SYNE3: variants seen among roughly 807,000 people sequenced by gnomAD.
The protein encoded by SYNE3 is nesprin-3.
In SYNE3, 100 loss-of-function variants were observed where a neutral mutation model predicts 111.2. The observed-to-expected ratio is 0.90, with a 90% CI of 0.77 to 1.06. The LOEUF is 1.06. Among genes scored for constraint, SYNE3 ranks in the 50% least tolerant of loss-of-function variants. The pLI, the probability that SYNE3 is intolerant of heterozygous loss-of-function variation, is 0.00. For missense variants in SYNE3, 1,160 were observed against 1,240.3 expected (o/e 0.94, Z 0.97); for synonymous variants, 547 against 533.9 (o/e 1.02, Z -0.34).
chr14:95,493,288 C>T (rs1311095449), intron 1 of SYNE3, among the ~76,000 whole-genome samples: 2 of 152,206 alleles, frequency 1.3e-5, no homozygotes, highest in African/African-American at 4.8e-5. Context: ...CCTCTCCAAG[C>T]ATTTATTAAT....
At chr14:95,487,305 T>C (rs1178000273) in intron 1 of SYNE3, among the ~76,000 whole-genome samples, 3 of 152,228 alleles carry the variant, frequency 2.0e-5, no homozygotes, top group Non-Finnish European at 4.4e-5. Flanking sequence ...TTCTTATATT[T>C]CTTACACCTT....
At chr14:95,440,157 C>T in intron 11 of SYNE3, 82 bp from the exon 12 acceptor site, 1 of 1,483,026 alleles carries the variant, frequency 6.7e-7, no homozygotes, top group East Asian at 2.3e-5. Flanking sequence ...CCCTGCAGGG[C>T]TCTCACACCC....
intron 1 of SYNE3, among the ~76,000 whole-genome samples, chr14:95,505,297 A>G (rs1441050779): frequency 6.6e-6 from 1 of 152,234 alleles, no homozygotes; most frequent in African/African-American, 2.4e-5. Flanking sequence ...GGGCAAATGC[A>G]TTGAAACAGA....
intron 17 of SYNE3, among the ~76,000 whole-genome samples, chr14:95,429,218 A>T (rs1447626024): frequency 6.6e-6 from 1 of 152,252 alleles, no homozygotes; most frequent in Non-Finnish European, 1.5e-5. Context: ...GAAGTCTCCC[A>T]GGTCCCCATT....
intron 1 of SYNE3, among the ~76,000 whole-genome samples, chr14:95,496,934 C>T (rs1034851607): frequency 6.6e-5 from 10 of 152,228 alleles, no homozygotes; most frequent in East Asian, 1.9e-4. Context: ...TTTTCTGATC[C>T]GGAGCCATTG....
chr14:95,425,256 G>A (rs959793363), intron 17 of SYNE3, among the ~76,000 whole-genome samples: 2 of 145,938 alleles, frequency 1.4e-5, no homozygotes, highest in Non-Finnish European at 3.0e-5. Flanking sequence ...AAAAAAAAAA[G>A]AAAAGAAAAA....
intron 8 of SYNE3, among the ~76,000 whole-genome samples, chr14:95,447,104 T>C (rs1886762995): frequency 6.6e-6 from 1 of 150,950 alleles, no homozygotes; most frequent in Admixed American, 6.6e-5. Flanking sequence ...CCCAGGTAAG[T>C]CACTTCAATA....
At chr14:95,441,348 G>A (rs1886403551) in intron 11 of SYNE3, among the ~76,000 whole-genome samples, 1 of 152,200 alleles carries the variant, frequency 6.6e-6, no homozygotes, top group East Asian at 1.9e-4. Context: ...TGGTCCCTGT[G>A]TGCCAACATT....
chr14:95,422,646 G>A (rs1371360707), intron 17 of SYNE3, among the ~76,000 whole-genome samples: 1 of 152,188 alleles, frequency 6.6e-6, no homozygotes, highest in African/African-American at 2.4e-5. Context: ...ACCTGGCCAG[G>A]TCTCAGTACC....
intron 17 of SYNE3, among the ~76,000 whole-genome samples, chr14:95,425,891 A>G (rs138661568): frequency 2.0e-5 from 3 of 152,370 alleles, no homozygotes; most frequent in African/African-American, 7.2e-5. Context: ...TAGCTGGCAA[A>G]CAATAAAACA....
At chr14:95,445,711 G>A (rs1217880072) in intron 9 of SYNE3, among the ~76,000 whole-genome samples, 198 bp downstream of exon 9, 3 of 152,240 alleles carry the variant, frequency 2.0e-5, no homozygotes, top group Non-Finnish European at 4.4e-5. Flanking sequence ...TAGGAAACCA[G>A]TTAGAGGGAC....
In SYNE3 at chr14:95,443,239, C is replaced by G. The variant is rs372953935; in HGVS notation, c.1827G>C (p.Arg609Ser). The change falls in exon 11 of 18, where the codon AGG becomes AGC. Residue 609 changes from arginine (R) to serine (S), a missense_variant. Coordinates refer to ENST00000682763, the MANE Select transcript of SYNE3 (RefSeq NM_152592.6). ...LDLGAQMEAA[R>S]PLVQENPNHQ... ...GGTTGGGGTTCTCCTGGACCAGAGG[C>G]CTTGCAGCCTCCATCTGTGCCCCCA... 1 of 1,614,224 alleles carries G rather than the reference C, an allele frequency of 6.2e-7. No homozygotes were observed. Among genetic ancestry groups the G allele is most frequent in the Admixed American group, 1.7e-5 (1 of 60,028 alleles).
In SYNE3 at chr14:95,426,168, G is replaced by A. The variant is rs555143605; in HGVS notation, c.2727+5911C>T. The stretch of plus-strand genomic sequence containing the variant: ...TAGTTTCAAATACTTCATGACCAAA[G>A]TTTTAGCACCAACTTGTTCACAAAT... On this transcript the variant is annotated intron_variant, in intron 17 of 17. Transcript: ENST00000682763. 3.9e-5 allele frequency among the ~76,000 whole-genome samples: 6 copies of A among 152,312 alleles called. No homozygotes were observed. The South Asian group carries it at 1.2e-3, about 32-fold the overall frequency.
At chr14:95,422,475 C>T (rs367775052) in intron 17 of SYNE3, among the ~76,000 whole-genome samples, 2 of 152,174 alleles carry the variant, frequency 1.3e-5, no homozygotes, top group Admixed American at 6.5e-5. Context: ...TACTATCCCA[C>T]GTGGCATTTC....
At chr14:95,429,743 C>G (rs1401022873) in intron 17 of SYNE3, among the ~76,000 whole-genome samples, 8 of 152,120 alleles carry the variant, frequency 5.3e-5, no homozygotes, top group African/African-American at 1.9e-4. Flanking sequence ...CAAGCTGTGC[C>G]CAACGTCTTC....
At position 95,432,098 on chromosome 14, in the gene SYNE3, T is replaced by A. The variant is rs751585432; in HGVS notation, c.2708A>T (p.Glu903Val). ...CTGTACCTTTTGGAATCCAGTCGGC[T>A]CCCCTGGAGAACTTTGTGTCTGTTA... ...GHLLTQSSPG[E>V]PTGFQKTRRW... Residue 903 changes from glutamate (E) to valine (V), a missense_variant, in exon 17 of 18, where the codon GAG becomes GTG. Transcript: ENST00000682763. 1 of 1,612,424 alleles carries A rather than the reference T, an allele frequency of 6.2e-7. No individual in the cohort carries two copies. Among genetic ancestry groups the A allele is most frequent in the South Asian group, 1.1e-5 (1 of 90,576 alleles).
At chr14:95,502,199 G>C (rs569761645) in intron 1 of SYNE3, among the ~76,000 whole-genome samples, 10 of 152,148 alleles carry the variant, frequency 6.6e-5, no homozygotes, top group African/African-American at 2.4e-4. Flanking sequence ...GGGACAGTTG[G>C]TCACACCAAC....
At position 95,409,190 on chromosome 14, in the gene SYNE3, A is replaced by C. The variant is rs1231016431; in HGVS notation, c.*8636T>G. ...CTCGGAGCCAGTCATGCCTGGGTAC[A>C]AGTCCCAAATTTACCACTCCCCGCC... On this transcript the variant is annotated 3_prime_UTR_variant, in exon 18 of 18. Transcript: ENST00000682763. 6.6e-6 allele frequency: 3 copies of C among 456,632 alleles called. No homozygotes were observed. Among genetic ancestry groups the C allele is most frequent in the South Asian group, 4.6e-5 (3 of 64,578 alleles). The allele number at this position is 456,632 out of a possible 1,614,324, so 28.3% of individuals were successfully genotyped here.
rs973453863 is a variant in SYNE3 at position 95,412,738 on chromosome 14, A to G, written c.*5088T>C. On this transcript the variant is annotated 3_prime_UTR_variant, in exon 18 of 18. Coordinates refer to ENST00000682763, the MANE Select transcript of SYNE3 (RefSeq NM_152592.6). The stretch of plus-strand genomic sequence containing the variant: ...GGACTCCTGCACTAAGCAATCCTCA[A>G]GCTGCTCTCTTCTCCCAACCATCTC... 1.3e-5 allele frequency: 2 copies of G among 152,192 alleles called. No homozygotes were observed. Among genetic ancestry groups the G allele is most frequent in the African/African-American group, 4.8e-5 (2 of 41,430 alleles). 9.4% of individuals were successfully genotyped at this position (152,192 alleles called of 1,614,324 possible).
Sources: allele counts gnomAD v4.1 joint callset (sites outside exome capture counted in the v4.1 genomes callset), GRCh38; gene constraint gnomAD v4.1.1; transcripts MANE v1.5; gene names NCBI Gene and HGNC (gene_info 2026-07-23, HGNC 2026-07-21).